GRID2: variants seen among roughly 807,000 people sequenced by gnomAD.
The protein encoded by GRID2 is glutamate receptor ionotropic, delta-2.
Under a neutral mutation model 114.8 loss-of-function variants are expected in GRID2, and 33 were observed. The observed-to-expected ratio is 0.29, with a 90% CI of 0.22 to 0.38. The LOEUF (loss-of-function observed/expected upper bound fraction) is 0.38. Ranked by LOEUF, GRID2 falls within the 10% of genes least tolerant of loss-of-function variation. The pLI, the probability that GRID2 is intolerant of heterozygous loss-of-function variation, is 1.00. For synonymous variants in GRID2, 505 were observed against 449.9 expected (o/e 1.12, Z -1.55); for missense variants, 1,184 against 1,257.7 (o/e 0.94, Z 0.89).
intron 1 of GRID2, among the ~76,000 whole-genome samples, chr4:92,374,551 G>T (rs1284033056): frequency 6.6e-6 from 1 of 151,888 alleles, no homozygotes; most frequent in Non-Finnish European, 1.5e-5. Context: ...CATGGGCCGT[G>T]GTCACTATAT....
chr4:92,699,637 T>C (rs1158412607), intron 2 of GRID2, among the ~76,000 whole-genome samples: 1 of 152,186 alleles, frequency 6.6e-6, no homozygotes, highest in Non-Finnish European at 1.5e-5. Flanking sequence ...GTTGTATAGC[T>C]GAATAACATG....
chr4:92,588,028 T>C (rs1273262566), intron 1 of GRID2, among the ~76,000 whole-genome samples: 1 of 152,182 alleles, frequency 6.6e-6, no homozygotes, highest in African/African-American at 2.4e-5. Flanking sequence ...AATTGGTTAT[T>C]TCAGCTTCAA....
chr4:92,602,547 C>T (rs12645527), intron 2 of GRID2, among the ~76,000 whole-genome samples: 8,741 of 152,194 alleles, frequency 0.057, 291 homozygotes, highest in East Asian at 0.12. Flanking sequence ...ATCAATGGAA[C>T]ATACCTCAAA....
intron 2 of GRID2, among the ~76,000 whole-genome samples, chr4:92,970,936 TAC>T (rs1027024826): frequency 1.3e-5 from 2 of 151,810 alleles, no homozygotes; most frequent in African/African-American, 2.4e-5. Context: ...TATATATATA[TAC>T]ACACACATTG....
chr4:92,564,903 T>C (rs1025138895), intron 1 of GRID2, among the ~76,000 whole-genome samples: 1 of 152,058 alleles, frequency 6.6e-6, no homozygotes. Flanking sequence ...GTGTAGTTTG[T>C]AGGTCTGTTC....
intron 4 of GRID2, among the ~76,000 whole-genome samples, chr4:93,189,390 C>G (rs1001117045): frequency 6.6e-6 from 1 of 151,986 alleles, no homozygotes; most frequent in Non-Finnish European, 1.5e-5. Context: ...TAACCAGATC[C>G]CTCACATTTG....
chr4:92,540,886 AC>A (rs201876539), intron 1 of GRID2, among the ~76,000 whole-genome samples: 10,255 of 152,288 alleles, frequency 0.067, 385 homozygotes, highest in Middle Eastern at 0.17. Flanking sequence ...AAGACTTGTG[AC>A]CAACCCAAAT....
At chr4:92,346,484 C>T (rs925050487) in intron 1 of GRID2, among the ~76,000 whole-genome samples, 2 of 152,072 alleles carry the variant, frequency 1.3e-5, no homozygotes, top group African/African-American at 2.4e-5. Flanking sequence ...CCCACCTCAG[C>T]CCCCACAAGT....
chr4:92,744,655 CT>C (rs1302514658), intron 2 of GRID2, among the ~76,000 whole-genome samples: 1 of 152,082 alleles, frequency 6.6e-6, no homozygotes, highest in Non-Finnish European at 1.5e-5. Context: ...GTGCCTTGCA[CT>C]TTTCTAGTGT....
chr4:93,225,867 G>C (rs12650068), intron 7 of GRID2, among the ~76,000 whole-genome samples: 26,565 of 152,030 alleles, frequency 0.17, 3,035 homozygotes, highest in African/African-American at 0.32. Context: ...GGAAGTCCAA[G>C]ACCATGGCAC....
intron 1 of GRID2, among the ~76,000 whole-genome samples, chr4:92,434,873 A>T (rs1473025215): frequency 1.3e-5 from 2 of 152,122 alleles, no homozygotes; most frequent in Non-Finnish European, 2.9e-5. Flanking sequence ...GCACCCCTTA[A>T]TCCCTATAAT....
At position 93,739,837 on chromosome 4, in the gene GRID2, C is replaced by A. The variant is rs1048275864; in HGVS notation, c.2361-29373C>A. On this transcript the variant is annotated intron_variant, in intron 14 of 15. Transcript: ENST00000282020. ...GTTGACCTGATTACTTTCCTGAATTCTAGGCCCTTTATCAATGCTAACAAT... is the reference window on the plus strand; with the variant it reads ...GTTGACCTGATTACTTTCCTGAATTATAGGCCCTTTATCAATGCTAACAAT... 2.6e-5 allele frequency among the ~76,000 whole-genome samples: 4 copies of A among 152,172 alleles called. No individual in the cohort carries two copies. In the East Asian group the frequency reaches 5.8e-4, roughly 22 times the overall value.
intron 4 of GRID2, among the ~76,000 whole-genome samples, chr4:93,116,025 C>A (rs1157054338): frequency 6.6e-6 from 1 of 152,116 alleles, no homozygotes; most frequent in Non-Finnish European, 1.5e-5. Flanking sequence ...AGTTTGTCAT[C>A]TCTTACCTAC....
intron 2 of GRID2, among the ~76,000 whole-genome samples, chr4:92,728,274 A>G (rs1392129368): frequency 6.6e-6 from 1 of 152,112 alleles, no homozygotes; most frequent in East Asian, 1.9e-4. Context: ...CAAATGTTAC[A>G]GCTGAAAACA....
intron 2 of GRID2, among the ~76,000 whole-genome samples, chr4:92,866,007 A>T (rs573665083): frequency 6.6e-6 from 1 of 152,220 alleles, no homozygotes; most frequent in Non-Finnish European, 1.5e-5. Context: ...AATGGAGAAG[A>T]CATGTAAGCA....
intron 13 of GRID2, among the ~76,000 whole-genome samples, chr4:93,524,431 A>C (rs1730631322): frequency 6.6e-6 from 1 of 152,116 alleles, no homozygotes; most frequent in Admixed American, 6.6e-5. Context: ...AGAGAACTGC[A>C]CAGTGGGAGA....
At chr4:93,409,389 G>T (rs996756420) in intron 9 of GRID2, among the ~76,000 whole-genome samples, 1 of 152,092 alleles carries the variant, frequency 6.6e-6, no homozygotes, top group Non-Finnish European at 1.5e-5. Flanking sequence ...GCTGTATTGG[G>T]GGTAGTGTCA....
intron 4 of GRID2, among the ~76,000 whole-genome samples, chr4:93,114,692 G>T (rs1016947590): frequency 6.6e-6 from 1 of 152,062 alleles, no homozygotes; most frequent in Non-Finnish European, 1.5e-5. Context: ...CCACCTCCTC[G>T]ATGGGTTCTA....
chr4:92,835,267 G>A (rs547633364), intron 2 of GRID2, among the ~76,000 whole-genome samples: 1 of 151,790 alleles, frequency 6.6e-6, no homozygotes, highest in African/African-American at 2.4e-5. Flanking sequence ...ACAAAGGTAG[G>A]AAGGAGGAAG....
Sources: gnomAD v4.1 joint callset for allele counts (sites outside exome capture counted in the v4.1 genomes callset) on GRCh38, gnomAD v4.1.1 for gene constraint, MANE v1.5 for transcripts, NCBI Gene and HGNC (gene_info 2026-07-23, HGNC 2026-07-21) for gene names.